The following SUCNR1 variants were observed in gnomAD, a reference collection of about 807,000 sequenced individuals.
SUCNR1 encodes succinate receptor 1, also known as G-protein coupled receptor 91.
Under a neutral mutation model 2.4 loss-of-function variants are expected in SUCNR1, and 5 were observed. The observed-to-expected ratio is 2.07, with a 90% CI of 1.08 to 4.36. The LOEUF is 4.36. Ranked by LOEUF, SUCNR1 falls within the 30% of genes most tolerant of loss-of-function variation. The pLI, the probability that SUCNR1 is intolerant of heterozygous loss-of-function variation, is 0.00. For synonymous variants in SUCNR1, 162 were observed against 143.9 expected (o/e 1.13, Z -0.90); for missense variants, 373 against 399.2 (o/e 0.93, Z 0.56).
chr3:151,882,289 G>C lies in SUCNR1; in HGVS notation c.*741G>C, dbSNP rs1294424218. On this transcript the variant is annotated 3_prime_UTR_variant, in exon 3 of 3. Coordinates refer to ENST00000362032, the MANE Select transcript of SUCNR1 (RefSeq NM_033050.6). ...AAAAAAAATTTGTAGAACACAAAAT[G>C]CCTATCAGGAAACCCAAAGCAAAAC... The C allele has an allele frequency of 6.6e-6, 1 of 152,056 alleles. No individual in the cohort carries two copies. The highest frequency in any genetic ancestry group is 2.4e-5 in the African/African-American group (1 of 41,422). 9.4% of individuals were successfully genotyped at this position (152,056 alleles called of 1,614,324 possible).
chr3:151,875,068 G>C (rs142214191), intron 1 of SUCNR1, among the ~76,000 whole-genome samples: 141 of 152,176 alleles, frequency 9.3e-4, no homozygotes, highest in Admixed American at 2.2e-3. Context: ...GTCTGCTTAT[G>C]TGAGTAAATT....
At chr3:151,877,328 G>A (rs1341002902) in intron 1 of SUCNR1, among the ~76,000 whole-genome samples, 1 of 152,048 alleles carries the variant, frequency 6.6e-6, no homozygotes, top group African/African-American at 2.4e-5. Flanking sequence ...GTTAATTAAG[G>A]GTTTTGATCA....
chr3:151,874,146 A>ATATTTT (rs1261567808), intron 1 of SUCNR1, among the ~76,000 whole-genome samples: 33 of 60,204 alleles, frequency 5.5e-4, no homozygotes, highest in South Asian at 1.4e-3. Flanking sequence ...ATATATATAT[A>ATATTTT]TTTTTTTTTT....
rs1164133305 is a variant in SUCNR1, at chr3:151,881,558, G to A, written c.*10G>A. On this transcript the variant is annotated 3_prime_UTR_variant, in exon 3 of 3. Transcript: ENST00000362032. ...ATTCAGAGAAAAGTGAGGGGCTTGT[G>A]AAACAGATTGTTCTACAGATGAATC... is the stretch of plus-strand genomic sequence containing the variant. 1 of 1,572,940 alleles carries A rather than the reference G, an allele frequency of 6.4e-7. No individual in the cohort carries two copies. The highest frequency in any genetic ancestry group is 8.6e-7 in the Non-Finnish European group (1 of 1,165,094).
In SUCNR1 at chr3:151,881,378, G is replaced by GA; in HGVS notation, c.835_836insA (p.Val279AspfsTer43). On this transcript the variant is annotated frameshift_variant, in exon 3 of 3. Transcript: ENST00000362032. LOFTEE classifies it low-confidence loss of function (END_TRUNC). The stretch of plus-strand genomic sequence containing the variant: ...GGTCGTCATCAACTCCTTTTACATT[G>GA]TGACACGGCCTTTGGCCTTTCTGAA... The GA allele has an allele frequency of 6.2e-7, 1 of 1,614,166 alleles. No individual in the cohort carries two copies. The highest frequency in any genetic ancestry group is 8.5e-7 in the Non-Finnish European group (1 of 1,180,028).
intron 1 of SUCNR1, among the ~76,000 whole-genome samples, chr3:151,877,741 G>C (rs1256671569): frequency 6.6e-6 from 1 of 152,138 alleles, no homozygotes; most frequent in African/African-American, 2.4e-5. Flanking sequence ...AGACATCTGA[G>C]AGAAATCAAT....
intron 1 of SUCNR1, among the ~76,000 whole-genome samples, chr3:151,874,148 T>TATATATA (rs1559856011): frequency 3.0e-5 from 1 of 33,896 alleles, no homozygotes; most frequent in African/African-American, 1.5e-4. Context: ...ATATATATAT[T>TATATATA]TTTTTTTTTT....
Position 151,881,625 on chromosome 3 carries a change from C to T in SUCNR1, c.*77C>T. 1.5e-6 allele frequency: 2 copies of T among 1,292,076 alleles called. No homozygotes were observed. Among genetic ancestry groups the T allele is most frequent in the South Asian group, 2.9e-5 (2 of 69,622 alleles). The allele number at this position is 1,292,076 out of a possible 1,614,324, so 80.0% of individuals were successfully genotyped here. Reference sequence around the variant, plus strand: ...TTTGCCTTAACTCATAGACATCAATCAGAGAGTGTCACAGATTTAACCTTG... The same window carrying T: ...TTTGCCTTAACTCATAGACATCAATTAGAGAGTGTCACAGATTTAACCTTG... On this transcript the variant is annotated 3_prime_UTR_variant, in exon 3 of 3. Coordinates refer to ENST00000362032, the MANE Select transcript of SUCNR1 (RefSeq NM_033050.6).
intron 1 of SUCNR1, among the ~76,000 whole-genome samples, chr3:151,875,598 G>A (rs1278587355): frequency 2.6e-5 from 4 of 151,956 alleles, no homozygotes; most frequent in Non-Finnish European, 5.9e-5. Context: ...ATATTAAAAT[G>A]TAAAAGGGTA....
Position 151,880,896 on chromosome 3 carries a change from T to A in SUCNR1, c.353T>A (p.Ile118Lys). 2 of 1,614,134 alleles carry A rather than the reference T, an allele frequency of 1.2e-6. No individual in the cohort carries two copies. Among genetic ancestry groups the A allele is most frequent in the Non-Finnish European group, 1.7e-6 (2 of 1,180,012 alleles). ...ATTCTCTTTCTCACTTTTATCAGCA[T>A]AGATCGATACTTGATAATTAAGTAT... is the stretch of plus-strand genomic sequence containing the variant. ...TSILFLTFIS[I>K]DRYLIIKYPF... The change falls in exon 3 of 3, where the codon ATA becomes AAA. Residue 118 changes from isoleucine (I) to lysine (K), a missense_variant. By Grantham distance (102) the Ile-to-Lys change is moderately radical. Transcript: ENST00000362032.
At chr3:151,879,024 A>G (rs1375526704) in intron 1 of SUCNR1, among the ~76,000 whole-genome samples, 1 of 152,224 alleles carries the variant, frequency 6.6e-6, no homozygotes, top group Non-Finnish European at 1.5e-5. Context: ...GTTTGCAACT[A>G]ATACTCAGAA....
rs1576666689 is a variant in SUCNR1 at position 151,883,581 on chromosome 3, G to A, written c.*2033G>A. The A allele has an allele frequency of 1.4e-5, 2 of 146,846 alleles. No individual in the cohort carries two copies. Among genetic ancestry groups the A allele is most frequent in the East Asian group, 4.0e-4 (2 of 4,962 alleles). 9.1% of individuals were successfully genotyped at this position (146,846 alleles called of 1,614,324 possible). A position where few individuals can be genotyped will look rare whatever the true frequency, so the allele number is the denominator to read the frequency against. ...TTTTCTTCCTCAAATCTATCATGTG[G>A]TAACTTAATCTTTAACAGACTTTAG... On this transcript the variant is annotated 3_prime_UTR_variant, in exon 3 of 3. Transcript: ENST00000362032.
intron 1 of SUCNR1, among the ~76,000 whole-genome samples, chr3:151,879,110 A>C (rs1234012303): frequency 1.3e-5 from 2 of 152,214 alleles, no homozygotes; most frequent in Non-Finnish European, 2.9e-5. Flanking sequence ...AGTAACACTT[A>C]ATGTTTAACA....
intron 1 of SUCNR1, among the ~76,000 whole-genome samples, chr3:151,878,337 C>T (rs1231788253): frequency 2.0e-5 from 3 of 151,832 alleles, no homozygotes; most frequent in Non-Finnish European, 2.9e-5. Context: ...TGAAGACTGA[C>T]GATGAGGAGA....
At chr3:151,876,412 G>T (rs887331354) in intron 1 of SUCNR1, among the ~76,000 whole-genome samples, 1 of 152,022 alleles carries the variant, frequency 6.6e-6, no homozygotes, top group Non-Finnish European at 1.5e-5. Flanking sequence ...TGACATTTTT[G>T]CTATATTTCT....
At chr3:151,876,979 T>A (rs1167285988) in intron 1 of SUCNR1, among the ~76,000 whole-genome samples, 2 of 152,132 alleles carry the variant, frequency 1.3e-5, no homozygotes, top group East Asian at 3.8e-4. Flanking sequence ...AAGTTTAGTA[T>A]ACAATGAAAG....
rs1264616915 is a variant in SUCNR1, at chr3:151,883,981, C to T, written c.*2433C>T. 1 of 152,200 alleles carries T rather than the reference C, an allele frequency of 6.6e-6. No homozygotes were observed. The highest frequency in any genetic ancestry group is 1.5e-5 in the Non-Finnish European group (1 of 68,040). 9.4% of individuals were successfully genotyped at this position (152,200 alleles called of 1,614,324 possible). Reference sequence around the variant, plus strand: ...ATTCTAAACAACTTTCAAGGTTCATCTCATCTGTCATTCTTTGTTGAAGCT... The same window carrying T: ...ATTCTAAACAACTTTCAAGGTTCATTTCATCTGTCATTCTTTGTTGAAGCT... On this transcript the variant is annotated 3_prime_UTR_variant, in exon 3 of 3. Coordinates refer to ENST00000362032, the MANE Select transcript of SUCNR1 (RefSeq NM_033050.6).
intron 1 of SUCNR1, among the ~76,000 whole-genome samples, chr3:151,876,994 A>G (rs1348370879): frequency 1.3e-5 from 2 of 152,150 alleles, no homozygotes. Context: ...TGAAAGCATA[A>G]ATGGGAGGAC....
rs745654334 is a variant in SUCNR1 at position 151,881,323 on chromosome 3, G to A, written c.780G>A (p.Leu260=). ...GGAATGTGAGGATCGCTTCACGCCTGGGGAGTTGGAAGCAGTATCAGTGCA... is the reference window on the plus strand; with the variant it reads ...GGAATGTGAGGATCGCTTCACGCCTAGGGAGTTGGAAGCAGTATCAGTGCA... ...VMRNVRIASR[L]GSWKQYQCTQ... Residue 260 remains leucine, a synonymous_variant, in exon 3 of 3, where the codon CTG becomes CTA. Transcript: ENST00000362032. 1.2e-6 allele frequency: 2 copies of A among 1,614,132 alleles called. No homozygotes were observed. The highest frequency in any genetic ancestry group is 2.2e-5 in the East Asian group (1 of 44,884).
Sources: gnomAD v4.1 joint callset for allele counts (sites outside exome capture counted in the v4.1 genomes callset) on GRCh38, gnomAD v4.1.1 for gene constraint, MANE v1.5 for transcripts, NCBI Gene and HGNC (gene_info 2026-07-23, HGNC 2026-07-21) for gene names.